NIPSNAP1: variants seen among roughly 807,000 people sequenced by gnomAD.
NIPSNAP1 encodes protein NipSnap homolog 1.
In NIPSNAP1, 25 loss-of-function variants were observed where a neutral mutation model predicts 49.2. That is an observed-to-expected ratio of 0.51 (90% CI 0.37 to 0.71). The LOEUF is 0.71. NIPSNAP1 is among the 30% of genes least tolerant of loss of function. The pLI is 0.00. For synonymous variants in NIPSNAP1, 143 were observed against 140.7 expected, an observed-to-expected ratio of 1.02 and a Z score of -0.12; for missense variants, 294 against 361.0, an observed-to-expected ratio of 0.81 and a Z score of 1.50.
chr22:29,576,907 A>G (rs1188948412), intron 1 of NIPSNAP1, among the ~76,000 whole-genome samples: 1 of 150,056 alleles, frequency 6.7e-6, no homozygotes, highest in Non-Finnish European at 1.5e-5. Context: ...CCTGGCTGAC[A>G]GAATGAGACT....
chr22:29,579,927 G>A, intron 1 of NIPSNAP1: 1 of 439,704 alleles, frequency 2.3e-6, no homozygotes, highest in Non-Finnish European at 4.2e-6. Flanking sequence ...AGTCTAGGTG[G>A]GGCGCTTATG....
At chr22:29,557,397 T>G (rs1374847369) in intron 9 of NIPSNAP1, among the ~76,000 whole-genome samples, 1 of 151,912 alleles carries the variant, frequency 6.6e-6, no homozygotes, top group African/African-American at 2.4e-5. Flanking sequence ...GGATTACAGG[T>G]GTAAGCCACT....
Position 29,555,837 on chromosome 22 carries a change from C to T in NIPSNAP1, c.*98G>A. The stretch of plus-strand genomic sequence containing the variant: ...TGAGCACTGCCCCTCAGAGTCCTCC[C>T]AGAGCCAAGACAAAACCAAGACAGC... On this transcript the variant is annotated 3_prime_UTR_variant, in exon 10 of 10. Transcript: ENST00000216121. 3 of 1,150,134 alleles carry T rather than the reference C, an allele frequency of 2.6e-6. No individual in the cohort carries two copies. The highest frequency in any genetic ancestry group is 2.6e-6 in the Non-Finnish European group (2 of 781,096). 71.2% of individuals were successfully genotyped at this position (1,150,134 alleles called of 1,614,324 possible).
intron 4 of NIPSNAP1, among the ~76,000 whole-genome samples, chr22:29,565,423 A>T (rs1448935309): frequency 1.3e-5 from 2 of 151,630 alleles, no homozygotes; most frequent in African/African-American, 4.9e-5. Flanking sequence ...GAGGCAAGAG[A>T]ACTTGCTTGA....
chr22:29,558,777 T>C (rs917879187), intron 9 of NIPSNAP1, 93 bp downstream of exon 9: 115 of 948,350 alleles, frequency 1.2e-4, no homozygotes, highest in Non-Finnish European at 2.3e-5. Flanking sequence ...TCCCCATCAC[T>C]GGAGGTAATC....
chr22:29,556,060 G>T, intron 9 of NIPSNAP1, 61 bp from the exon 10 acceptor site: 1 of 1,436,912 alleles, frequency 7.0e-7, no homozygotes, highest in Non-Finnish European at 9.6e-7. Flanking sequence ...ACCTCCCCTG[G>T]CCCCACCCAC....
At chr22:29,560,201 A>G (rs1008827597) in intron 8 of NIPSNAP1, among the ~76,000 whole-genome samples, 1 of 150,678 alleles carries the variant, frequency 6.6e-6, no homozygotes, top group Non-Finnish European at 1.5e-5. Flanking sequence ...ACCTAGACCA[A>G]TGTAGATCCC....
At chr22:29,580,935 G>T in intron 1 of NIPSNAP1, 50 bp downstream of exon 1, 5 of 1,416,948 alleles carry the variant, frequency 3.5e-6, no homozygotes, top group Non-Finnish European at 4.7e-6. Context: ...TGGCCCCCGC[G>T]CCTGCACCCC....
At chr22:29,572,422 T>C (rs1277716128) in intron 1 of NIPSNAP1, among the ~76,000 whole-genome samples, 2 of 152,024 alleles carry the variant, frequency 1.3e-5, no homozygotes, top group Non-Finnish European at 2.9e-5. Context: ...GCTAAATGCC[T>C]GTAATCCCAG....
At chr22:29,565,474 C>T (rs185149451) in intron 4 of NIPSNAP1, among the ~76,000 whole-genome samples, 1 of 152,142 alleles carries the variant, frequency 6.6e-6, no homozygotes, top group African/African-American at 2.4e-5. Context: ...GATCACGCCA[C>T]TGCACTCCAG....
At chr22:29,558,508 T>G (rs2064311547) in intron 9 of NIPSNAP1, among the ~76,000 whole-genome samples, 1 of 151,940 alleles carries the variant, frequency 6.6e-6, no homozygotes, top group Non-Finnish European at 1.5e-5. Context: ...AATAATAAAA[T>G]AGTTTGTAGA....
chr22:29,571,570 T>C (rs574749709), intron 1 of NIPSNAP1, among the ~76,000 whole-genome samples: 1 of 151,764 alleles, frequency 6.6e-6, no homozygotes, highest in Admixed American at 6.5e-5. Context: ...GTGCTTATTT[T>C]GAGACTACCA....
At chr22:29,561,081 G>T in intron 7 of NIPSNAP1, 90 bp downstream of exon 7, 1 of 1,226,536 alleles carries the variant, frequency 8.2e-7, no homozygotes, top group Non-Finnish European at 1.2e-6. Context: ...CTGTGATATG[G>T]CCCTGGAAAA....
At chr22:29,557,236 A>G (rs1203917393) in intron 9 of NIPSNAP1, among the ~76,000 whole-genome samples, 1 of 151,792 alleles carries the variant, frequency 6.6e-6, no homozygotes, top group Non-Finnish European at 1.5e-5. Flanking sequence ...CTTGTGCCTC[A>G]GCCTCCCGAG....
intron 4 of NIPSNAP1, among the ~76,000 whole-genome samples, chr22:29,566,895 G>A (rs893630926): frequency 1.1e-4 from 17 of 152,138 alleles, no homozygotes; most frequent in Non-Finnish European, 1.9e-4. Context: ...AGGCTCAGGC[G>A]GGAGGATCAT....
chr22:29,577,844 T>G (rs2064465939), intron 1 of NIPSNAP1, among the ~76,000 whole-genome samples: 2 of 150,540 alleles, frequency 1.3e-5, no homozygotes, highest in South Asian at 2.1e-4. Flanking sequence ...GCGATTCTCC[T>G]GCCTCAGCCT....
At chr22:29,561,250 T>C (rs537784152) in intron 6 of NIPSNAP1, 48 bp from the exon 7 acceptor site, 1 of 1,605,090 alleles carries the variant, frequency 6.2e-7, no homozygotes, top group Admixed American at 1.7e-5. Flanking sequence ...CACCTCAGAT[T>C]CATAGCATCA....
rs1048968999 is a variant in NIPSNAP1 at position 29,561,020 on chromosome 22, C to T, written c.611+151G>A. 3.4e-6 allele frequency: 3 copies of T among 894,172 alleles called. No homozygotes were observed. In the Admixed American group the frequency reaches 6.0e-5, roughly 18 times the overall value. 55.4% of individuals were successfully genotyped at this position (894,172 alleles called of 1,614,324 possible). A position where few individuals can be genotyped will look rare whatever the true frequency, so the allele number is the denominator to read the frequency against. ...CAACCTTCTAGGAGATCCTCACCTC[C>T]TGGCTGGATCCTTCTCCCAGATCCA... On this transcript the variant is annotated intron_variant, in intron 7 of 9. Transcript: ENST00000216121.
At chr22:29,561,745 G>A (rs2064337391) in intron 5 of NIPSNAP1, 47 bp downstream of exon 5, 2 of 1,613,104 alleles carry the variant, frequency 1.2e-6, no homozygotes, top group African/African-American at 1.3e-5. Flanking sequence ...ACAGGGCTGG[G>A]CTGCATCCCA....
Sources: gnomAD v4.1 joint callset for allele counts (sites outside exome capture counted in the v4.1 genomes callset) on GRCh38, gnomAD v4.1.1 for gene constraint, MANE v1.5 for transcripts, NCBI Gene and HGNC (gene_info 2026-07-23, HGNC 2026-07-21) for gene names.